GRXCR2: variants seen among roughly 807,000 people sequenced by gnomAD.
GRXCR2 encodes glutaredoxin domain-containing cysteine-rich protein 2.
In GRXCR2, 23 loss-of-function variants were observed where a neutral mutation model predicts 24.8. The ratio of observed to expected loss-of-function variants is 0.93; its 90% CI spans 0.67 to 1.32. GRXCR2 has a LOEUF of 1.32. Among genes scored for constraint, GRXCR2 ranks in the 40% most tolerant of loss-of-function variants. The pLI, the probability that GRXCR2 is intolerant of heterozygous loss-of-function variation, is 0.00. For missense variants in GRXCR2, 315 were observed against 303.4 expected (o/e 1.04, Z -0.28); for synonymous variants, 130 against 116.1 (o/e 1.12, Z -0.77).
chr5:145,878,528 C>A (rs2636305), intron 2 of GRXCR2, among the ~76,000 whole-genome samples: 2 of 151,744 alleles, frequency 1.3e-5, no homozygotes, highest in African/African-American at 4.8e-5. Flanking sequence ...ACAAAGCCTC[C>A]GAGAAATATG....
chr5:145,866,386 T>A, intron 2 of GRXCR2, 115 bp downstream of exon 2: 1 of 658,306 alleles, frequency 1.5e-6, no homozygotes, highest in Admixed American at 2.8e-5. Flanking sequence ...CAAGTTTAGG[T>A]ATCTTAAGTA....
chr5:145,904,900 C>T (rs967052597), intron 2 of GRXCR2, among the ~76,000 whole-genome samples: 4 of 152,148 alleles, frequency 2.6e-5, no homozygotes, highest in African/African-American at 9.7e-5. Flanking sequence ...CATGGTTCTT[C>T]TCCCCTCCGT....
chr5:145,880,292 C>T (rs1756680270), intron 2 of GRXCR2, among the ~76,000 whole-genome samples: 1 of 151,952 alleles, frequency 6.6e-6, no homozygotes, highest in Admixed American at 6.6e-5. Context: ...AATTGATAGA[C>T]CGCTAGCAAG....
rs1160336362 is a variant in GRXCR2 at position 145,896,495 on chromosome 5, A to G, written c.-69-29767T>C. On this transcript the variant is annotated intron_variant, in intron 2 of 3. Coordinates refer to the GRXCR2 transcript ENST00000639411. ...AAGGATATGAACAGACACTTCTCAA[A>G]AGAAGACATTCATGCAGCCAAAAGG... Among the ~76,000 whole-genome samples the G allele has an allele frequency of 2.0e-5, 3 of 152,246 alleles. No individual in the cohort carries two copies. The East Asian group carries it at 5.8e-4, about 29-fold the overall frequency.
chr5:145,928,937 A>T (rs867639847), intron 2 of GRXCR2, among the ~76,000 whole-genome samples: 25 of 152,168 alleles, frequency 1.6e-4, no homozygotes, highest in Middle Eastern at 6.9e-3. Context: ...ATATACATTC[A>T]TTATAGAACA....
intron 2 of GRXCR2, among the ~76,000 whole-genome samples, chr5:145,894,017 CT>C (rs1756910521): frequency 6.6e-6 from 1 of 152,192 alleles, no homozygotes; most frequent in African/African-American, 2.4e-5. Context: ...ACTGAACAAT[CT>C]GCTCCTGAAT....
chr5:145,872,607 G>A, intron 1 of GRXCR2, 26 bp downstream of exon 1: 1 of 1,541,854 alleles, frequency 6.5e-7, no homozygotes, highest in South Asian at 1.3e-5. Flanking sequence ...TACCCTTAAA[G>A]CCTATATGCC....
chr5:145,872,511 C>T, intron 1 of GRXCR2, 122 bp downstream of exon 1: 2 of 708,096 alleles, frequency 2.8e-6, no homozygotes, highest in Non-Finnish European at 2.3e-6. Context: ...ATTTGGTGCA[C>T]CAACAGTTCT....
At position 145,882,146 on chromosome 5, in the gene GRXCR2, C is replaced by G. The variant is rs1014212747; in HGVS notation, c.-69-15418G>C. ...ATGACTAAAACACCAAAAGCAATGA[C>G]AACGAAAGCCAAAATAGACAAACGG... On this transcript the variant is annotated intron_variant, in intron 2 of 3. Transcript: ENST00000639411. 2.6e-5 allele frequency among the ~76,000 whole-genome samples: 4 copies of G among 152,278 alleles called. No homozygotes were observed. The South Asian group carries it at 8.3e-4, about 32-fold the overall frequency.
chr5:145,872,799 GACTCTTGCAGAAAACTGTGAGGGTATTC>G lies in GRXCR2; in HGVS notation c.142_169del (p.Glu48LeufsTer24), dbSNP rs1756555133. On this transcript the variant is annotated frameshift_variant, in exon 1 of 3. Transcript: ENST00000377976. LOFTEE classifies it high-confidence loss of function. ...ATAAACACCATCCATTGTTTCAAGA[GACTCTTGCAGAAAACTGTGAGGGTATTC>G]CTCCTTTGGTGACTCTAATTCCTGC... is the stretch of plus-strand genomic sequence containing the variant. The G allele has an allele frequency of 5.0e-6, 8 of 1,614,076 alleles. No homozygotes were observed. The highest frequency in any genetic ancestry group is 6.8e-6 in the Non-Finnish European group (8 of 1,180,054).
chr5:145,872,038 C>A (rs956658611), intron 1 of GRXCR2, among the ~76,000 whole-genome samples: 2 of 152,126 alleles, frequency 1.3e-5, no homozygotes, highest in African/African-American at 4.8e-5. Flanking sequence ...TCAATCGAAC[C>A]ATTAGCTCAA....
intron 2 of GRXCR2, among the ~76,000 whole-genome samples, chr5:145,861,392 CT>C: frequency 6.6e-6 from 1 of 152,250 alleles, no homozygotes; most frequent in African/African-American, 2.4e-5. Flanking sequence ...GTTCATGGGC[CT>C]CTCTGTACTT....
Position 145,873,007 on chromosome 5 carries a change from C to A in GRXCR2, c.-39G>T, listed in dbSNP as rs370227864. ...ACCCTGTGGTCTCCAGCCTTCCGTG[C>A]AGCCGGTGAAACTTGGGCCTCTGAG... On this transcript the variant is annotated 5_prime_UTR_variant, in exon 1 of 3. Coordinates refer to ENST00000377976, the MANE Select transcript of GRXCR2 (RefSeq NM_001080516.2). 1.3e-6 allele frequency: 2 copies of A among 1,563,960 alleles called. No individual in the cohort carries two copies. The highest frequency in any genetic ancestry group is 1.1e-5 in the South Asian group (1 of 88,112).
chr5:145,874,307 A>T (rs1701322218), upstream of GRXCR2, among the ~76,000 whole-genome samples: 1 of 151,532 alleles, frequency 6.6e-6, no homozygotes, highest in African/African-American at 2.4e-5. Context: ...GAGTTCGAGC[A>T]ATTCTCATGC....
chr5:145,884,607 T>C (rs1756752510), intron 2 of GRXCR2, among the ~76,000 whole-genome samples: 1 of 150,676 alleles, frequency 6.6e-6, no homozygotes, highest in African/African-American at 2.5e-5. Flanking sequence ...GGTATGCATA[T>C]ATGGTACACA....
chr5:145,905,377 A>G (rs762666585), intron 2 of GRXCR2, among the ~76,000 whole-genome samples: 30 of 152,236 alleles, frequency 2.0e-4, no homozygotes, highest in Non-Finnish European at 7.3e-5. Flanking sequence ...TGTGTGCTAT[A>G]CAAATAAACA....
intron 2 of GRXCR2, among the ~76,000 whole-genome samples, chr5:145,887,422 G>A (rs918155835): frequency 2.6e-5 from 4 of 152,248 alleles, no homozygotes; most frequent in Non-Finnish European, 5.9e-5. Flanking sequence ...GATGAGGCCA[G>A]TAGTGCTCCC....
At chr5:145,928,382 A>C (rs1041086401) in intron 2 of GRXCR2, among the ~76,000 whole-genome samples, 12 of 152,142 alleles carry the variant, frequency 7.9e-5, no homozygotes, top group Non-Finnish European at 1.6e-4. Context: ...ATACCATTTG[A>C]CCCAGCAATC....
chr5:145,878,380 A>G (rs1756650471), intron 2 of GRXCR2, among the ~76,000 whole-genome samples: 1 of 152,250 alleles, frequency 6.6e-6, no homozygotes, highest in South Asian at 2.1e-4. Flanking sequence ...AAACCATGGC[A>G]TGAGAACTTC....
Sources: allele counts gnomAD v4.1 joint callset (sites outside exome capture counted in the v4.1 genomes callset), GRCh38; gene constraint gnomAD v4.1.1; transcripts MANE v1.5; gene names NCBI Gene and HGNC (gene_info 2026-07-23, HGNC 2026-07-21).